The following WAPL variants were observed in gnomAD, a reference collection of about 807,000 sequenced individuals.
WAPL encodes the protein wings apart-like protein homolog.
In WAPL, 5 loss-of-function variants were observed where a neutral mutation model predicts 121.0. The ratio of observed to expected loss-of-function variants is 0.04; its 90% CI spans 0.02 to 0.09. The LOEUF is 0.09. Among genes scored for constraint, WAPL ranks in the 10% least tolerant of loss-of-function variants. The pLI is 1.00. For synonymous variants in WAPL, 480 were observed against 481.5 expected, an observed-to-expected ratio of 1.00 and a Z score of 0.04; for missense variants, 999 against 1,410.8, an observed-to-expected ratio of 0.71 and a Z score of 4.68.
chr10:86,452,937 G>A (rs532106839), intron 14 of WAPL, among the ~76,000 whole-genome samples: 2 of 148,610 alleles, frequency 1.3e-5, no homozygotes, highest in South Asian at 2.1e-4. Flanking sequence ...CACCTGGAAG[G>A]CTGAGGCAGG....
intron 4 of WAPL, among the ~76,000 whole-genome samples, chr10:86,495,639 C>A (rs1015218956): frequency 1.3e-5 from 2 of 152,016 alleles, no homozygotes; most frequent in African/African-American, 4.8e-5. Context: ...GGATATGACA[C>A]CAAAAGCACA....
chr10:86,498,787 C>T (rs1842194519), intron 3 of WAPL, among the ~76,000 whole-genome samples: 1 of 152,192 alleles, frequency 6.6e-6, no homozygotes, highest in Non-Finnish European at 1.5e-5. Flanking sequence ...TTTTGTTTGT[C>T]TCTCACAGTG....
At chr10:86,494,777 T>A (rs942392460) in intron 4 of WAPL, among the ~76,000 whole-genome samples, 7 of 152,290 alleles carry the variant, frequency 4.6e-5, no homozygotes, top group Admixed American at 2.0e-4. Flanking sequence ...GTATGAAAGG[T>A]TACTGGCACG....
At chr10:86,439,407 T>C (rs746280070) in intron 17 of WAPL, among the ~76,000 whole-genome samples, 2 of 152,162 alleles carry the variant, frequency 1.3e-5, no homozygotes, top group African/African-American at 2.4e-5. Context: ...TACGCCTCTG[T>C]AATAGAGAAT....
At chr10:86,461,551 T>C (rs557940426) in intron 9 of WAPL, among the ~76,000 whole-genome samples, 175 of 152,336 alleles carry the variant, frequency 1.1e-3, no homozygotes, top group South Asian at 2.1e-3. Context: ...TTCTACAGTA[T>C]ACAGGTCAAG....
chr10:86,506,768 C>T (rs899652135), intron 2 of WAPL, among the ~76,000 whole-genome samples: 1 of 152,060 alleles, frequency 6.6e-6, no homozygotes, highest in Non-Finnish European at 1.5e-5. Context: ...CCAGCCTGGG[C>T]AACAGAGAAA....
chr10:86,497,443 AC>A, intron 3 of WAPL, 124 bp from the exon 4 acceptor site: 1 of 738,846 alleles, frequency 1.4e-6, no homozygotes, highest in Non-Finnish European at 2.2e-6. Flanking sequence ...AAATCACAGC[AC>A]CACAGAGCTG....
chr10:86,438,145 TTC>T, intron 17 of WAPL, 130 bp from the exon 18 acceptor site: 1 of 598,650 alleles, frequency 1.7e-6, no homozygotes, highest in South Asian at 2.6e-5. Context: ...TGGTTATTTA[TTC>T]TCTTTCCACA....
At position 86,497,183 on chromosome 10, in the gene WAPL, T is replaced by C; in HGVS notation, c.1644+18A>G. On this transcript the variant is annotated intron_variant, in intron 4 of 18. Coordinates refer to ENST00000298767, the MANE Select transcript of WAPL (RefSeq NM_015045.5). ...ATAACAAATAAATAATAAAAATCAC[T>C]GACAGTGCTTTACTTACCCGTTTGG... 6.4e-7 allele frequency: 1 copy of C among 1,564,206 alleles called. No individual in the cohort carries two copies. The highest frequency in any genetic ancestry group is 2.2e-5 in the East Asian group (1 of 44,494).
rs201181415 is a variant in WAPL at position 86,455,696 on chromosome 10, AG to A, written c.2658-1866del. On this transcript the variant is annotated intron_variant, in intron 12 of 18. Transcript: ENST00000298767. ...ATCAATAAATACTAAAAAAAAAAAA[AG>A]AAAGAAAGAAAAAAAAAGAAAAAAA... Among the ~76,000 whole-genome samples the A allele has an allele frequency of 3.7e-3, 372 of 101,344 alleles. 39 individuals are homozygous for A. The highest frequency in any genetic ancestry group is 4.3e-3 in the Middle Eastern group (1 of 234). 66.5% of individuals were successfully genotyped at this position (101,344 alleles called of 152,430 possible). A position where few individuals can be genotyped will look rare whatever the true frequency, so the allele number is the denominator to read the frequency against.
At chr10:86,494,550 A>C (rs1338143006) in intron 4 of WAPL, among the ~76,000 whole-genome samples, 1 of 152,210 alleles carries the variant, frequency 6.6e-6, no homozygotes, top group Admixed American at 6.5e-5. Flanking sequence ...ACCACTGTGA[A>C]CTTGATAGGT....
At position 86,435,829 on chromosome 10, in the gene WAPL, C is replaced by T. The variant is rs1251603891; in HGVS notation, c.*1714G>A. The T allele has an allele frequency of 6.6e-6, 1 of 152,184 alleles. No homozygotes were observed. The highest frequency in any genetic ancestry group is 1.5e-5 in the Non-Finnish European group (1 of 68,032). 9.4% of individuals were successfully genotyped at this position (152,184 alleles called of 1,614,324 possible). A position where few individuals can be genotyped will look rare whatever the true frequency, so the allele number is the denominator to read the frequency against. ...CAAAAATCTGTCCCTTTCCCTAAAT[C>T]CAATGATTAATAAATATCAATGTAT... On this transcript the variant is annotated 3_prime_UTR_variant, in exon 19 of 19. Coordinates refer to ENST00000298767, the MANE Select transcript of WAPL (RefSeq NM_015045.5).
chr10:86,481,306 A>C (rs1296669872), intron 4 of WAPL, among the ~76,000 whole-genome samples: 1 of 152,208 alleles, frequency 6.6e-6, no homozygotes, highest in Non-Finnish European at 1.5e-5. Flanking sequence ...TTTCCAAGAA[A>C]TATTACTAAA....
chr10:86,475,188 G>C (rs1269454735), intron 4 of WAPL, among the ~76,000 whole-genome samples: 3 of 152,082 alleles, frequency 2.0e-5, no homozygotes, highest in Non-Finnish European at 4.4e-5. Context: ...TCAAGTAAAA[G>C]AACAAAACCC....
Position 86,500,499 on chromosome 10 carries a change from T to C in WAPL, c.744A>G (p.Ser248=). 1 of 1,614,218 alleles carries C rather than the reference T, an allele frequency of 6.2e-7. No individual in the cohort carries two copies. Among genetic ancestry groups the C allele is most frequent in the Non-Finnish European group, 8.5e-7 (1 of 1,180,034 alleles). ...EWDNDFEDIR[S]EDCILSLDSD... is the part of the protein sequence containing the mutation. The stretch of plus-strand genomic sequence containing the variant: ...TATCCAAACTTAAAATACAGTCTTC[T>C]GATCTGATATCTTCAAAATCATTAT... The change falls in exon 3 of 19, where the codon TCA becomes TCG. Residue 248 remains serine (S), a synonymous_variant. Coordinates refer to ENST00000298767, the MANE Select transcript of WAPL (RefSeq NM_015045.5).
At chr10:86,460,674 T>C (rs1283735792) in intron 10 of WAPL, among the ~76,000 whole-genome samples, 178 bp from the exon 11 acceptor site, 1 of 152,218 alleles carries the variant, frequency 6.6e-6, no homozygotes, top group Non-Finnish European at 1.5e-5. Context: ...TCTGTAATTA[T>C]TTTGTTTCCA....
chr10:86,472,762 C>G lies in WAPL; in HGVS notation c.1743G>C (p.Val581=). The stretch of plus-strand genomic sequence containing the variant: ...GATTTGGTTCCTTTGAAGACAGCCT[C>G]ACCTATTAATAAAGGTATTAAATTA... The part of the protein sequence containing the change: ...PPVVKPQSVT[V]RLSSKEPNQK... Residue 581 remains valine (V), a splice_region_variant and synonymous_variant, in exon 6 of 19, where the codon GTG becomes GTC. Coordinates refer to ENST00000298767, the MANE Select transcript of WAPL (RefSeq NM_015045.5). This position sits in a 1 kb window ranked among gnomAD's most constrained non-coding sequence, Gnocchi z 4.2. 6.2e-7 allele frequency: 1 copy of G among 1,609,668 alleles called. No homozygotes were observed. Among genetic ancestry groups the G allele is most frequent in the Non-Finnish European group, 8.5e-7 (1 of 1,178,192 alleles).
intron 17 of WAPL, among the ~76,000 whole-genome samples, chr10:86,440,657 G>T (rs1301803986): frequency 1.3e-5 from 2 of 151,930 alleles, no homozygotes; most frequent in African/African-American, 4.8e-5. Context: ...ATGGGTTTCT[G>T]ATTTGCTCTT....
At chr10:86,443,175 A>T in intron 17 of WAPL, 100 bp downstream of exon 17, 1 of 895,652 alleles carries the variant, frequency 1.1e-6, no homozygotes, top group Non-Finnish European at 1.7e-6. Flanking sequence ...ATTAAGGGGG[A>T]AACACTGAAG....
Sources: gnomAD v4.1 joint callset for allele counts (sites outside exome capture counted in the v4.1 genomes callset) on GRCh38, gnomAD v4.1.1 for gene constraint, Gnocchi (gnomAD v3.1) non-coding constraint, MANE v1.5 for transcripts, NCBI Gene and HGNC (gene_info 2026-07-23, HGNC 2026-07-21) for gene names.